Variants in EEF2K observed in about 807,000 individuals in gnomAD.
EEF2K encodes the protein eukaryotic elongation factor 2 kinase.
A neutral mutation model predicts 93.8 loss-of-function variants in EEF2K; 70 were observed. The observed-to-expected ratio is 0.75, with a 90% CI of 0.62 to 0.91. The LOEUF is 0.91. EEF2K is among the 40% of genes least tolerant of loss of function. The pLI, the probability that EEF2K is intolerant of heterozygous loss-of-function variation, is 0.00. For missense variants in EEF2K, 935 were observed against 972.9 expected (o/e 0.96, Z 0.52); for synonymous variants, 376 against 380.8 (o/e 0.99, Z 0.15).
intron 2 of EEF2K, among the ~76,000 whole-genome samples, chr16:22,241,484 A>G (rs879415698): frequency 6.6e-6 from 1 of 151,544 alleles, no homozygotes; most frequent in Non-Finnish European, 1.5e-5. Flanking sequence ...GTCTCTACTA[A>G]AAATACAAAA....
Position 22,276,054 on chromosome 16 carries a change from C to A in EEF2K, c.1889+2304C>A, listed in dbSNP as rs891677672. Reference sequence around the variant, plus strand: ...CTTTGACCTGGGCTCAAGTGATCCTCCTGCTTAAGCCTCCTGCGTAGCTGG... The same window carrying A: ...CTTTGACCTGGGCTCAAGTGATCCTACTGCTTAAGCCTCCTGCGTAGCTGG... On this transcript the variant is annotated intron_variant, in intron 16 of 17. Coordinates refer to ENST00000263026, the MANE Select transcript of EEF2K (RefSeq NM_013302.5). Among the ~76,000 whole-genome samples, 16 of 152,238 alleles carry A rather than the reference C, an allele frequency of 1.1e-4. No homozygotes were observed. In the South Asian group the frequency reaches 3.3e-3, roughly 32 times the overall value.
At position 22,266,641 on chromosome 16, in the gene EEF2K, C is replaced by T. The variant is rs533778139; in HGVS notation, c.1576-47C>T. 4.0e-5 allele frequency: 63 copies of T among 1,586,952 alleles called. 1 individual carries two copies. In the Admixed American group the frequency reaches 5.7e-4, roughly 14 times the overall value. On this transcript the variant is annotated intron_variant, in intron 14 of 17. Coordinates refer to ENST00000263026, the MANE Select transcript of EEF2K (RefSeq NM_013302.5). ...GCTGGCTGGGCGGTCTTGGGTGCGG[C>T]TTTGGCCCGCCAGACAGCCAGGCCG... is the stretch of plus-strand genomic sequence containing the variant.
Position 22,233,200 on chromosome 16 carries a change from C to G in EEF2K, c.246+7225C>G, listed in dbSNP as rs1598173205. Among the ~76,000 whole-genome samples the G allele has an allele frequency of 1.3e-5, 2 of 152,118 alleles. 1 individual carries two copies. Among genetic ancestry groups the G allele is most frequent in the South Asian group, 4.1e-4 (2 of 4,830 alleles). On this transcript the variant is annotated intron_variant, in intron 2 of 17. Transcript: ENST00000263026. ...TGATTATAGCTCTGTGAAACTCGCA[C>G]GTACACATACAGCCAAGGCCTGAGG...
At chr16:22,217,932 C>T (rs375454403) in intron 1 of EEF2K, among the ~76,000 whole-genome samples, 4 of 152,174 alleles carry the variant, frequency 2.6e-5, no homozygotes, top group Admixed American at 6.5e-5. Context: ...ATGACATCAT[C>T]GCTATTCATT....
At chr16:22,281,979 T>C (rs2047697941) in intron 17 of EEF2K, among the ~76,000 whole-genome samples, 1 of 152,124 alleles carries the variant, frequency 6.6e-6, no homozygotes, top group African/African-American at 2.4e-5. Context: ...CTAAAAAAAT[T>C]GCTGGGCACA....
intron 11 of EEF2K, among the ~76,000 whole-genome samples, chr16:22,262,347 TAA>T (rs935253021): frequency 6.6e-6 from 1 of 151,434 alleles, no homozygotes; most frequent in Non-Finnish European, 1.5e-5. Flanking sequence ...TCGTCTCTAC[TAA>T]AAATACAAAA....
intron 10 of EEF2K, 85 bp from the exon 11 acceptor site, chr16:22,260,377 G>T: frequency 2.1e-6 from 3 of 1,410,848 alleles, no homozygotes; most frequent in Non-Finnish European, 2.9e-6. Flanking sequence ...TTGGTGGCAG[G>T]TATGGACCGC....
chr16:22,256,524 C>G (rs1045857755), intron 6 of EEF2K, among the ~76,000 whole-genome samples: 1 of 152,098 alleles, frequency 6.6e-6, no homozygotes, highest in African/African-American at 2.4e-5. Context: ...TGTAAGCCAC[C>G]GTGCCCAGCC....
In EEF2K at chr16:22,260,456, G is replaced by A; in HGVS notation, c.1232-6G>A. 6.2e-7 allele frequency: 1 copy of A among 1,614,008 alleles called. No homozygotes were observed. The highest frequency in any genetic ancestry group is 1.1e-5 in the South Asian group (1 of 91,080). ...CAGGACATGATGTCTGTTTCTCCCT[G>A]CCCAGATTGGCCAGTGTTCAGTGAC... On this transcript the variant is annotated splice_polypyrimidine_tract_variant and splice_region_variant and intron_variant, in intron 10 of 17. Coordinates refer to ENST00000263026, the MANE Select transcript of EEF2K (RefSeq NM_013302.5).
chr16:22,220,443 C>CTTT (rs10635872), intron 1 of EEF2K, among the ~76,000 whole-genome samples: 55 of 149,778 alleles, frequency 3.7e-4, no homozygotes, highest in African/African-American at 6.6e-4. Context: ...TCTGAGCGTG[C>CTTT]TTTTTTTTTT....
At chr16:22,271,939 G>A (rs1055996489) in intron 15 of EEF2K, among the ~76,000 whole-genome samples, 1 of 152,152 alleles carries the variant, frequency 6.6e-6, no homozygotes, top group Non-Finnish European at 1.5e-5. Flanking sequence ...CCTCTGATGT[G>A]AGCGACCTCC....
intron 2 of EEF2K, among the ~76,000 whole-genome samples, chr16:22,228,100 A>G (rs952266221): frequency 7.8e-6 from 1 of 127,676 alleles, no homozygotes; most frequent in South Asian, 2.6e-4. Context: ...TGCAACCTCC[A>G]CCTCCCAGGT....
At chr16:22,222,502 T>A (rs2047023825) in intron 1 of EEF2K, among the ~76,000 whole-genome samples, 1 of 147,468 alleles carries the variant, frequency 6.8e-6, no homozygotes, top group Non-Finnish European at 1.5e-5. Flanking sequence ...AACCACCACA[T>A]CCGACTTTCT....
intron 2 of EEF2K, among the ~76,000 whole-genome samples, chr16:22,239,353 G>A (rs1484854650): frequency 6.6e-6 from 1 of 152,162 alleles, no homozygotes; most frequent in East Asian, 1.9e-4. Context: ...GGCACTGTCA[G>A]AGAATTGTGT....
At position 22,286,374 on chromosome 16, in the gene EEF2K, C is replaced by G. The variant is rs949206894; in HGVS notation, c.*2378C>G. On this transcript the variant is annotated 3_prime_UTR_variant, in exon 18 of 18. Transcript: ENST00000263026. ...GCTTTTTAAATTCAGCCAGCCCCCC[C>G]TCTCTGAAATTTTATTATGTAAATA... The G allele has an allele frequency of 6.6e-6, 1 of 152,206 alleles. No homozygotes were observed. Among genetic ancestry groups the G allele is most frequent in the African/African-American group, 2.4e-5 (1 of 41,460 alleles). 9.4% of individuals were successfully genotyped at this position (152,206 alleles called of 1,614,324 possible).
At position 22,257,662 on chromosome 16, in the gene EEF2K, C is replaced by T. The variant is rs780243922; in HGVS notation, c.921C>T (p.Leu307=). The change falls in exon 9 of 18, where the codon CTC becomes CTT. Residue 307 remains leucine (L), a synonymous_variant. Coordinates refer to ENST00000263026, the MANE Select transcript of EEF2K (RefSeq NM_013302.5). ...DGNLGVRGMA[L]FFYSHACNRI... ...CCACAGGTGTCCGCGGGATGGCGCT[C>T]TTCTTCTACTCTCATGCCTGCAACC... The T allele has an allele frequency of 6.2e-7, 1 of 1,613,414 alleles. No homozygotes were observed. The highest frequency in any genetic ancestry group is 8.5e-7 in the Non-Finnish European group (1 of 1,179,850).
At chr16:22,257,042 C>T (rs541498628) in intron 7 of EEF2K, 145 bp downstream of exon 7, 31 of 1,417,248 alleles carry the variant, frequency 2.2e-5, no homozygotes, top group African/African-American at 5.7e-5. Context: ...GAAGGAGACC[C>T]GTCACCCCAT....
intron 8 of EEF2K, 122 bp from the exon 9 acceptor site, chr16:22,257,521 G>A (rs2047415291): frequency 5.8e-6 from 9 of 1,545,860 alleles, no homozygotes; most frequent in South Asian, 2.5e-5. Flanking sequence ...GAGCCTGGAT[G>A]TCTGATGCCT....
chr16:22,245,211 T>A (rs2047274948), intron 3 of EEF2K, among the ~76,000 whole-genome samples: 1 of 152,120 alleles, frequency 6.6e-6, no homozygotes, highest in South Asian at 2.1e-4. Flanking sequence ...GAGGTTGCAG[T>A]GAGCTGATAT....
Sources: gnomAD v4.1 joint callset for allele counts (sites outside exome capture counted in the v4.1 genomes callset) on GRCh38, gnomAD v4.1.1 for gene constraint, MANE v1.5 for transcripts, NCBI Gene and HGNC (gene_info 2026-07-23, HGNC 2026-07-21) for gene names.